GCNT1: variants seen among roughly 807,000 people sequenced by gnomAD.
GCNT1 encodes the protein glucosaminyl (N-acetyl) transferase 1.
In GCNT1, 16 loss-of-function variants were observed where a neutral mutation model predicts 26.2. That is an observed-to-expected ratio of 0.61 (90% CI 0.41 to 0.93). GCNT1 has a LOEUF of 0.93. GCNT1 is among the 40% of genes least tolerant of loss of function. The pLI is 0.00. For missense variants in GCNT1, 477 were observed against 526.7 expected, an observed-to-expected ratio of 0.91 and a Z score of 0.92; for synonymous variants, 183 against 190.8, an observed-to-expected ratio of 0.96 and a Z score of 0.34.
the GCNT1 span, among the ~76,000 whole-genome samples, chr9:76,413,115 C>G: frequency 6.6e-6 from 1 of 152,332 alleles, no homozygotes; most frequent in East Asian, 1.9e-4. Flanking sequence ...AAGTAATATA[C>G]TGCTTGTGTT....
intron 1 of GCNT1, among the ~76,000 whole-genome samples, chr9:76,429,718 T>G (rs1220320866): frequency 7.2e-6 from 1 of 138,218 alleles, no homozygotes; most frequent in African/African-American, 3.0e-5. Context: ...TTTCTTTCTT[T>G]TTTTTTTTTT....
At chr9:76,413,653 G>GTTTTTGTTTTTTTGTTTTGTT in the GCNT1 span, among the ~76,000 whole-genome samples, 1 of 118,664 alleles carries the variant, frequency 8.4e-6, no homozygotes, top group Non-Finnish European at 1.8e-5. Context: ...GTTTTGTTTT[G>GTTTTTGTTTTTTTGTTTTGTT]TTTTTTTTTT....
chr9:76,394,442 G>T, the GCNT1 span: 2 of 377,862 alleles, frequency 5.3e-6, no homozygotes, highest in African/African-American at 2.1e-5. Context: ...GTGTGAGCGG[G>T]GTGGGGGGAG....
At chr9:76,473,863 G>A (rs757509051) in intron 2 of GCNT1, among the ~76,000 whole-genome samples, 43 of 152,168 alleles carry the variant, frequency 2.8e-4, no homozygotes, top group Non-Finnish European at 4.6e-4. Flanking sequence ...AGCACTTTAG[G>A]AGGCCTAGGT....
intron 1 of GCNT1, among the ~76,000 whole-genome samples, chr9:76,422,954 G>A (rs1823217442): frequency 6.6e-6 from 1 of 152,168 alleles, no homozygotes; most frequent in Non-Finnish European, 1.5e-5. Context: ...TTTGCCCAAT[G>A]GTAGACTAAT....
the GCNT1 span, chr9:76,398,563 CTT>C: frequency 7.6e-6 from 5 of 660,794 alleles, no homozygotes; most frequent in Non-Finnish European, 1.3e-5. Flanking sequence ...ATTGTGCTCA[CTT>C]ATATTTAATC....
At chr9:76,467,123 A>G (rs1587429070) in intron 2 of GCNT1, among the ~76,000 whole-genome samples, 1 of 151,878 alleles carries the variant, frequency 6.6e-6, no homozygotes, top group South Asian at 2.1e-4. Context: ...GCTCACTGCA[A>G]CCTACGCCTC....
intron 1 of GCNT1, among the ~76,000 whole-genome samples, chr9:76,431,246 AC>A (rs1823332411): frequency 6.6e-6 from 1 of 151,938 alleles, no homozygotes; most frequent in Non-Finnish European, 1.5e-5. Flanking sequence ...TTAGCATCAG[AC>A]TCCACAAGGT....
intron 1 of GCNT1, among the ~76,000 whole-genome samples, chr9:76,432,052 C>A (rs1823343971): frequency 6.6e-6 from 1 of 151,958 alleles, no homozygotes; most frequent in Non-Finnish European, 1.5e-5. Context: ...GAGGTGGCAG[C>A]AAGCTGAGAT....
chr9:76,467,795 C>T (rs936955405), intron 2 of GCNT1, among the ~76,000 whole-genome samples: 10 of 150,344 alleles, frequency 6.7e-5, no homozygotes, highest in Non-Finnish European at 1.5e-4. Flanking sequence ...AAGCAGGAAG[C>T]GAAGGACAGT....
chr9:76,443,155 A>G (rs1327184345), intron 1 of GCNT1, among the ~76,000 whole-genome samples: 1 of 152,292 alleles, frequency 6.6e-6, no homozygotes, highest in Admixed American at 6.5e-5. Flanking sequence ...TGAGCTCAGG[A>G]GTTCGAGACC....
rs771909016 is a variant in GCNT1 at position 76,503,306 on chromosome 9, A to T, written c.925A>T (p.Met309Leu). Reference protein sequence around the residue: ...VLQNEKIQKLMEWAQDTYSPD... With the variant: ...VLQNEKIQKLLEWAQDTYSPD... ...ACAGAATGAAAAAATCCAAAAGTTG[A>T]TGGAGTGGGCACAAGACACATACAG... The change falls in exon 4 of 4, where the codon ATG becomes TTG. Residue 309 changes from methionine to leucine, a missense_variant. Physicochemically the swap from Met to Leu is conservative, Grantham distance 15. Coordinates refer to ENST00000376730, the MANE Select transcript of GCNT1 (RefSeq NM_001490.5). The T allele has an allele frequency of 6.2e-7, 1 of 1,614,112 alleles. No individual in the cohort carries two copies. Among genetic ancestry groups the T allele is most frequent in the Non-Finnish European group, 8.5e-7 (1 of 1,179,996 alleles).
At chr9:76,489,234 A>T (rs1432303171) in intron 2 of GCNT1, among the ~76,000 whole-genome samples, 2 of 152,226 alleles carry the variant, frequency 1.3e-5, no homozygotes, top group Admixed American at 1.3e-4. Context: ...CCTTGCCTTG[A>T]TGGTGACATA....
chr9:76,441,791 G>C (rs1450818812), exon 1 of GCNT1: 1 of 152,186 alleles, frequency 6.6e-6, no homozygotes, highest in Non-Finnish European at 1.5e-5. Context: ...GACCAGAAAA[G>C]GTCAGAGACT....
At chr9:76,403,053 T>C in the GCNT1 span, among the ~76,000 whole-genome samples, 1 of 152,188 alleles carries the variant, frequency 6.6e-6, no homozygotes, top group East Asian at 1.9e-4. Context: ...TTCTTATACC[T>C]ATATGGAATG....
At chr9:76,439,347 C>T (rs975977300), upstream of GCNT1, among the ~76,000 whole-genome samples, 9 of 151,370 alleles carry the variant, frequency 5.9e-5, no homozygotes, top group African/African-American at 2.2e-4. Context: ...ACCTCAGCCT[C>T]CCTTGTAGCT....
At chr9:76,415,866 A>G (rs1823128018), upstream of GCNT1, among the ~76,000 whole-genome samples, 1 of 152,200 alleles carries the variant, frequency 6.6e-6, no homozygotes, top group African/African-American at 2.4e-5. Flanking sequence ...TGTGCCCACA[A>G]ATCATTATTC....
At chr9:76,448,278 C>A (rs892457521) in intron 1 of GCNT1, among the ~76,000 whole-genome samples, 1 of 152,066 alleles carries the variant, frequency 6.6e-6, no homozygotes, top group African/African-American at 2.4e-5. Context: ...ATGGTGAAAC[C>A]CTATCTCTAC....
upstream of GCNT1, among the ~76,000 whole-genome samples, chr9:76,417,242 A>G (rs1587401210): frequency 6.6e-6 from 1 of 152,238 alleles, no homozygotes; most frequent in African/African-American, 2.4e-5. Flanking sequence ...ATTATAATTC[A>G]GAGGTTATGG....
Sources: gnomAD v4.1 joint callset for allele counts (sites outside exome capture counted in the v4.1 genomes callset) on GRCh38, gnomAD v4.1.1 for gene constraint, MANE v1.5 for transcripts, NCBI Gene and HGNC (gene_info 2026-07-23, HGNC 2026-07-21) for gene names.